The following PTPN14 variants were observed in gnomAD, a reference collection of about 807,000 sequenced individuals.
PTPN14 encodes the protein protein tyrosine phosphatase non-receptor type 14.
A neutral mutation model predicts 126.8 loss-of-function variants in PTPN14; 53 were observed. The observed-to-expected ratio is 0.42, with a 90% CI of 0.34 to 0.53. The LOEUF is 0.53. Ranked by LOEUF, PTPN14 falls within the 20% of genes least tolerant of loss-of-function variation. PTPN14 has a pLI of 0.08. For missense variants in PTPN14, 1,257 were observed against 1,552.9 expected, an observed-to-expected ratio of 0.81 and a Z score of 3.20; for synonymous variants, 630 against 599.3, an observed-to-expected ratio of 1.05 and a Z score of -0.75.
chr1:214,386,042 G>A (rs146782272), intron 12 of PTPN14, among the ~76,000 whole-genome samples: 3 of 152,200 alleles, frequency 2.0e-5, no homozygotes, highest in East Asian at 3.9e-4. Flanking sequence ...CAACATCCAC[G>A]GTTTTCTACC....
chr1:214,469,436 T>C (rs1660706459), intron 1 of PTPN14, among the ~76,000 whole-genome samples: 1 of 152,104 alleles, frequency 6.6e-6, no homozygotes, highest in Non-Finnish European at 1.5e-5. Flanking sequence ...ACTCTAAGCA[T>C]CTCCTTTCTG....
In PTPN14 at chr1:214,349,699, A is replaced by G. The variant is rs1008648774; in HGVS notation, c.*8223T>C. 3.3e-5 allele frequency: 5 copies of G among 152,206 alleles called. No homozygotes were observed. The highest frequency in any genetic ancestry group is 7.3e-5 in the Non-Finnish European group (5 of 68,038). 9.4% of individuals were successfully genotyped at this position (152,206 alleles called of 1,614,324 possible). On this transcript the variant is annotated 3_prime_UTR_variant, in exon 19 of 19. Coordinates refer to ENST00000366956, the MANE Select transcript of PTPN14 (RefSeq NM_005401.5). ...GAAGGAACAAAGGACATACATAGGAACTCATCTCTGATGAAGAGTAGCTTT... is the reference window on the plus strand; with the variant it reads ...GAAGGAACAAAGGACATACATAGGAGCTCATCTCTGATGAAGAGTAGCTTT...
At chr1:214,448,479 C>T (rs1407218859) in intron 3 of PTPN14, among the ~76,000 whole-genome samples, 1 of 151,078 alleles carries the variant, frequency 6.6e-6, no homozygotes, top group African/African-American at 2.4e-5. Context: ...CTCCTGACCT[C>T]GTGATCCGCC....
intron 1 of PTPN14, among the ~76,000 whole-genome samples, chr1:214,520,955 G>T (rs12562873): frequency 0.26 from 38,808 of 151,792 alleles, 5,750 homozygotes; most frequent in East Asian, 0.52. Flanking sequence ...ATTGCCTTCC[G>T]TCTTTCTGTA....
intron 5 of PTPN14, among the ~76,000 whole-genome samples, chr1:214,407,078 G>T (rs1659188627): frequency 6.6e-6 from 1 of 152,190 alleles, no homozygotes; most frequent in East Asian, 1.9e-4. Context: ...CATTAGAAAT[G>T]TTGACTCAAG....
chr1:214,514,757 C>T (rs1655059902), intron 1 of PTPN14, among the ~76,000 whole-genome samples: 1 of 152,214 alleles, frequency 6.6e-6, no homozygotes, highest in Non-Finnish European at 1.5e-5. Flanking sequence ...TTGTGCAACA[C>T]CACACATTTA....
intron 10 of PTPN14, 26 bp downstream of exon 10, chr1:214,393,669 T>TC: frequency 7.1e-7 from 1 of 1,412,000 alleles, no homozygotes; most frequent in Non-Finnish European, 9.5e-7. Flanking sequence ...AGCCATCAAG[T>TC]CGGGGGGGAT....
chr1:214,380,399 T>C (rs1291898588), intron 13 of PTPN14, among the ~76,000 whole-genome samples: 1 of 152,146 alleles, frequency 6.6e-6, no homozygotes, highest in Non-Finnish European at 1.5e-5. Flanking sequence ...CCCTATCAGC[T>C]TGTTACCAGA....
At chr1:214,519,743 C>CT (rs1414300563) in intron 1 of PTPN14, among the ~76,000 whole-genome samples, 3 of 151,966 alleles carry the variant, frequency 2.0e-5, no homozygotes, top group Non-Finnish European at 4.4e-5. Context: ...CCCATGAAAT[C>CT]TTTTATTCAA....
At chr1:214,427,046 C>T (rs1476816092) in intron 3 of PTPN14, among the ~76,000 whole-genome samples, 3 of 152,086 alleles carry the variant, frequency 2.0e-5, no homozygotes, top group South Asian at 4.2e-4. Context: ...TTTGTGGGGC[C>T]GAGGCGGGCG....
At chr1:214,433,773 AAGTT>A (rs1292194740) in intron 3 of PTPN14, among the ~76,000 whole-genome samples, 1 of 152,034 alleles carries the variant, frequency 6.6e-6, no homozygotes, top group Non-Finnish European at 1.5e-5. Context: ...AAATGGTACA[AAGTT>A]AGGCCACATC....
intron 1 of PTPN14, among the ~76,000 whole-genome samples, chr1:214,499,927 CT>C (rs1354825529): frequency 1.3e-5 from 2 of 151,868 alleles, no homozygotes; most frequent in Non-Finnish European, 2.9e-5. Context: ...CGTGACACTT[CT>C]GTGCCAGCAG....
At chr1:214,514,067 C>G (rs1176861674) in intron 1 of PTPN14, among the ~76,000 whole-genome samples, 2 of 152,024 alleles carry the variant, frequency 1.3e-5, no homozygotes, top group Non-Finnish European at 2.9e-5. Flanking sequence ...CCTTTTTTCT[C>G]TCCTTGTCTT....
intron 1 of PTPN14, chr1:214,533,067 G>A (rs949860654): frequency 2.2e-5 from 16 of 743,442 alleles, no homozygotes; most frequent in African/African-American, 3.4e-5. Flanking sequence ...TGACACTCAC[G>A]GAGCTGGGAC....
At chr1:214,506,879 A>C (rs1311651602) in intron 1 of PTPN14, among the ~76,000 whole-genome samples, 1 of 151,162 alleles carries the variant, frequency 6.6e-6, no homozygotes, top group East Asian at 1.9e-4. Flanking sequence ...GTGCAGCATA[A>C]CACACTAACA....
rs201433939 is a variant in PTPN14, at chr1:214,383,340, T to C, written c.2515A>G (p.Ser839Gly). The C allele has an allele frequency of 2.1e-4, 337 of 1,613,968 alleles. No homozygotes were observed. Among genetic ancestry groups the C allele is most frequent in the Non-Finnish European group, 2.4e-4 (287 of 1,179,928 alleles). Reference sequence around the variant, plus strand: ...ATCATCATCTCTCTCTCTATAATGCTGTCTTCCAGGGAAAACATTTCAGAC... The same window carrying C: ...ATCATCATCTCTCTCTCTATAATGCCGTCTTCCAGGGAAAACATTTCAGAC... ...PVSEMFSLEDSIIEREMMIRN... is the reference protein window; with the variant it reads ...PVSEMFSLEDGIIEREMMIRN... The change falls in exon 13 of 19, where the codon AGC (serine) becomes GGC (glycine). Residue 839 changes from serine to glycine, a missense_variant. By Grantham distance (56) the Ser-to-Gly change is moderately conservative (BLOSUM62 0). This residue lies in a region of PTPN14 where 1,021 missense variants were observed against 1,183.3 expected (regional missense o/e 0.86). Transcript: ENST00000366956. The surrounding 1 kb of genome is among the most constrained non-coding windows in gnomAD (Gnocchi z 4.4).
chr1:214,376,071 A>C (rs1658336010), intron 15 of PTPN14, 148 bp downstream of exon 15: 1 of 708,790 alleles, frequency 1.4e-6, no homozygotes, highest in East Asian at 2.7e-5. Context: ...CACTTGACTA[A>C]GAAAAGCACA....
At chr1:214,481,358 A>G (rs1431230572) in intron 1 of PTPN14, among the ~76,000 whole-genome samples, 1 of 151,636 alleles carries the variant, frequency 6.6e-6, no homozygotes, top group Non-Finnish European at 1.5e-5. Flanking sequence ...AATACAAAAA[A>G]AATTTAGCTG....
intron 2 of PTPN14, among the ~76,000 whole-genome samples, chr1:214,459,864 T>C (rs1432132338): frequency 5.3e-5 from 8 of 152,242 alleles, no homozygotes; most frequent in Non-Finnish European, 7.3e-5. Flanking sequence ...CTGATGACCT[T>C]ACACTTCACA....
Sources: gnomAD v4.1 joint callset for allele counts (sites outside exome capture counted in the v4.1 genomes callset) on GRCh38, gnomAD v4.1.1 for gene constraint, gnomAD v4.1.1 regional missense constraint, Gnocchi (gnomAD v3.1) non-coding constraint, MANE v1.5 for transcripts, NCBI Gene and HGNC (gene_info 2026-07-23, HGNC 2026-07-21) for gene names.